TCHH: variants seen among roughly 807,000 people sequenced by gnomAD.
TCHH encodes trichohyalin.
In TCHH, 6 loss-of-function variants were observed where a neutral mutation model predicts 6.3. That is an observed-to-expected ratio of 0.95 (90% CI 0.52 to 1.88). The LOEUF (loss-of-function observed/expected upper bound fraction) is 1.88. Ranked by LOEUF, TCHH falls within the 40% of genes most tolerant of loss-of-function variation. The probability of loss-of-function intolerance (pLI) is 0.01; values close to 1 mark genes in which losing one functional copy is unlikely to be tolerated. For missense variants in TCHH, 2,920 were observed against 2,449.1 expected, an observed-to-expected ratio of 1.19 and a Z score of -4.06; for synonymous variants, 1,087 against 963.6, an observed-to-expected ratio of 1.13 and a Z score of -2.37.
At chr1:152,114,865 T>G (rs564602964) in intron 1 of TCHH, among the ~76,000 whole-genome samples, 2 of 152,248 alleles carry the variant, frequency 1.3e-5, no homozygotes, top group Non-Finnish European at 2.9e-5. Flanking sequence ...GTGAATGATA[T>G]TGGTTTTGTT....
chr1:152,109,396 T>A lies in TCHH; in HGVS notation c.3821A>T (p.Gln1274Leu), dbSNP rs1658239399. ...QQDLQHLLGEQQERDREQERR... is the reference protein window; with the variant it reads ...QQDLQHLLGELQERDREQERR... ...CTCTTGCTCACGATCTCGCTCTTGC[T>A]GTTCACCCAGCAGGTGCTGCAGATC... Residue 1274 changes from glutamine (Q) to leucine (L), a missense_variant, in exon 3 of 3, where the codon CAG (glutamine) becomes CTG (leucine). Coordinates refer to ENST00000614923, the MANE Select transcript of TCHH (RefSeq NM_007113.4). 1.2e-6 allele frequency: 2 copies of A among 1,614,106 alleles called. No homozygotes were observed. The highest frequency in any genetic ancestry group is 2.2e-5 in the South Asian group (2 of 91,096).
In TCHH at chr1:152,113,043, C is replaced by T. The variant is rs1241387229; in HGVS notation, c.174G>A (p.Leu58=). 2.5e-5 allele frequency: 41 copies of T among 1,613,490 alleles called. No individual in the cohort carries two copies. The highest frequency in any genetic ancestry group is 3.2e-5 in the Non-Finnish European group (38 of 1,179,800). The part of the protein sequence containing the change: ...PHDPKTVDLI[L]ELLDLDSNGR... ...CATTACTGTCAAGATCCAGAAGTTC[C>T]AGGATCAGATCTACCGTCTTAGGGT... is the stretch of plus-strand genomic sequence containing the variant. The change falls in exon 3 of 3, where the codon CTG becomes CTA. Residue 58 remains leucine (L), a synonymous_variant. Transcript: ENST00000614923.
chr1:152,113,099 A>G, intron 2 of TCHH, 21 bp from the exon 3 acceptor site: 1 of 1,554,196 alleles, frequency 6.4e-7, no homozygotes, highest in South Asian at 1.2e-5. Context: ...GGTGAAAACA[A>G]AAATTTTACA....
At chr1:152,115,007 TGTACTTCTCAACTCCA>T (rs1217069708) in intron 1 of TCHH, among the ~76,000 whole-genome samples, 2 of 152,256 alleles carry the variant, frequency 1.3e-5, no homozygotes, top group Non-Finnish European at 2.9e-5. Context: ...GACTTCTTTA[TGTACTTCTCAACTCCA>T]GTACCTTAAA....
chr1:152,111,351 G>C lies in TCHH; in HGVS notation c.1866C>G (p.Arg622=), dbSNP rs750577270. The C allele has an allele frequency of 2.5e-6, 4 of 1,588,142 alleles. No homozygotes were observed. In the East Asian group the frequency reaches 9.1e-5, roughly 36 times the overall value. The change falls in exon 3 of 3, where the codon CGC becomes CGG. Residue 622 remains arginine (R), a synonymous_variant. Transcript: ENST00000614923. ...GGCGCCTCTCTTCCTCCGGCTCCTC[G>C]CGCTTCAGCCGCTGCTCGCGCCTCT... The part of the protein sequence containing the change: ...QEERREQRLK[R]EEPEEERRQQ...
chr1:152,109,489 T>C lies in TCHH; in HGVS notation c.3728A>G (p.Lys1243Arg). Residue 1243 changes from lysine (K) to arginine (R), a missense_variant, in exon 3 of 3, where the codon AAA (lysine) becomes AGA (arginine). Coordinates refer to ENST00000614923, the MANE Select transcript of TCHH (RefSeq NM_007113.4). ...NAVRDNKVYC[K>R]GRENEQFRQL... ...CCGGAACTGTTCATTCTCTCTGCCTTTGCAGTAAACCTTGTTATCACGAAC... is the reference window on the plus strand; with the variant it reads ...CCGGAACTGTTCATTCTCTCTGCCTCTGCAGTAAACCTTGTTATCACGAAC... The C allele has an allele frequency of 6.2e-7, 1 of 1,614,292 alleles. No individual in the cohort carries two copies.
Position 152,108,169 on chromosome 1 carries a change from T to A in TCHH, c.5048A>T (p.Gln1683Leu), listed in dbSNP as rs1364745787. Residue 1683 changes from glutamine (Q) to leucine (L), a missense_variant, in exon 3 of 3, where the codon CAG becomes CTG. Gln to Leu is a moderately radical substitution (Grantham distance 113). Coordinates refer to ENST00000614923, the MANE Select transcript of TCHH (RefSeq NM_007113.4). ...TCTGTCACGCTCTTGGCGGCGCAGC[T>A]GCTGTTCCTCCCCTTCCTGGAGCAG... Reference protein sequence around the residue: ...EQLLQEGEEQQLRRQERDRKF... With the variant: ...EQLLQEGEEQLLRRQERDRKF... 2 of 1,613,640 alleles carry A rather than the reference T, an allele frequency of 1.2e-6. No individual in the cohort carries two copies. Among genetic ancestry groups the A allele is most frequent in the Non-Finnish European group, 1.7e-6 (2 of 1,179,980 alleles).
In TCHH at chr1:152,110,673, C is replaced by A. The variant is rs1336575807; in HGVS notation, c.2544G>T (p.Gln848His). Residue 848 changes from glutamine to histidine, a missense_variant, in exon 3 of 3, where the codon CAG becomes CAT. Coordinates refer to ENST00000614923, the MANE Select transcript of TCHH (RefSeq NM_007113.4). ...EQLQRRERAQ[Q>H]LQEEEDGLQE... is the part of the protein sequence containing the mutation. ...GGAGGCCGTCCTCCTCCTCCTGGAG[C>A]TGTTGGGCACGCTCCCGCCGCTGGA... 1.9e-6 allele frequency: 3 copies of A among 1,613,174 alleles called. No homozygotes were observed. The highest frequency in any genetic ancestry group is 2.5e-6 in the Non-Finnish European group (3 of 1,179,928).
In TCHH at chr1:152,108,940, T is replaced by C. The variant is rs1658216292; in HGVS notation, c.4277A>G (p.Gln1426Arg). 6.2e-7 allele frequency: 1 copy of C among 1,613,306 alleles called. No individual in the cohort carries two copies. Among genetic ancestry groups the C allele is most frequent in the Non-Finnish European group, 8.5e-7 (1 of 1,179,826 alleles). The part of the protein sequence containing the change: ...FREEEQQLSR[Q>R]ERDRKFREEE... ...TTCACGGAATTTTCTGTCACGCTCT[T>C]GGCGGCTCAGCTGCTGTTCCTCCTC... Residue 1426 changes from glutamine (Q) to arginine (R), a missense_variant, in exon 3 of 3, where the codon CAA becomes CGA. By Grantham distance (43) the Gln-to-Arg change is conservative. Transcript: ENST00000614923.
chr1:152,108,666 G>T lies in TCHH; in HGVS notation c.4551C>A (p.Phe1517Leu). ...GGTGCAGCTGCTGTTCCTCCTCGAG[G>T]AATTTTCTCTCTGGTTCCTGACTGC... is the stretch of plus-strand genomic sequence containing the variant. ...ELRSQEPERK[F>L]LEEEQQLHRQ... is the part of the protein sequence containing the mutation. The change falls in exon 3 of 3, where the codon TTC becomes TTA. Residue 1517 changes from phenylalanine to leucine, a missense_variant. Phe to Leu is a conservative substitution (Grantham distance 22, BLOSUM62 0). Coordinates refer to ENST00000614923, the MANE Select transcript of TCHH (RefSeq NM_007113.4). 3 of 1,606,412 alleles carry T rather than the reference G, an allele frequency of 1.9e-6. No homozygotes were observed. The highest frequency in any genetic ancestry group is 2.5e-6 in the Non-Finnish European group (3 of 1,178,876).
chr1:152,107,880 G>A lies in TCHH; in HGVS notation c.5337C>T (p.Leu1779=). The change falls in exon 3 of 3, where the codon CTC becomes CTT. Residue 1779 remains leucine (L), a synonymous_variant. Coordinates refer to ENST00000614923, the MANE Select transcript of TCHH (RefSeq NM_007113.4). ...RDRKFREEEQ[L]RQEREEQQLR... ...GCTGCTGTTCCTCCCTCTCCTGGCG[G>A]AGCTGTTCCTCCTCGCGGAATTTTC... 2 of 1,609,670 alleles carry A rather than the reference G, an allele frequency of 1.2e-6. No individual in the cohort carries two copies. The highest frequency in any genetic ancestry group is 1.7e-6 in the Non-Finnish European group (2 of 1,178,736).
In TCHH at chr1:152,110,960, G is replaced by C. The variant is rs762031871; in HGVS notation, c.2257C>G (p.Arg753Gly). The C allele has an allele frequency of 2.5e-6, 4 of 1,612,960 alleles. No homozygotes were observed. The highest frequency in any genetic ancestry group is 1.3e-5 in the African/African-American group (1 of 74,806). Residue 753 changes from arginine (R) to glycine (G), a missense_variant, in exon 3 of 3, where the codon CGG becomes GGG. By Grantham distance (125) the Arg-to-Gly change is moderately radical. Coordinates refer to ENST00000614923, the MANE Select transcript of TCHH (RefSeq NM_007113.4). ...TCTTCCTGCTGCTGCCGGTGAGCCC[G>C]TTCCTCCTCCTGCCATTGCAGCTCA... ...ESELQWQEEE[R>G]AHRQQQEEEQ... is the part of the protein sequence containing the mutation.
At position 152,112,555 on chromosome 1, in the gene TCHH, T is replaced by C. The variant is rs1263627848; in HGVS notation, c.662A>G (p.Lys221Arg). The C allele has an allele frequency of 6.2e-7, 1 of 1,613,564 alleles. No homozygotes were observed. The highest frequency in any genetic ancestry group is 1.1e-5 in the South Asian group (1 of 91,076). Residue 221 changes from lysine (K) to arginine (R), a missense_variant, in exon 3 of 3, where the codon AAG becomes AGG. By Grantham distance (26) the Lys-to-Arg change is conservative (BLOSUM62 2). Coordinates refer to ENST00000614923, the MANE Select transcript of TCHH (RefSeq NM_007113.4). ...TTGCTGCTGTTTCTCCTCGCGGCCC[T>C]TCCTCCTCAGCTCCAGCAGCTCCCG... is the stretch of plus-strand genomic sequence containing the variant. ...RRRELLELRR[K>R]GREEKQQQRR...
In TCHH at chr1:152,107,721, TTCC is replaced by T. The variant is rs1490190573; in HGVS notation, c.5493_5495del (p.Glu1832del). The T allele has an allele frequency of 1.9e-6, 3 of 1,614,138 alleles. No individual in the cohort carries two copies. Among genetic ancestry groups the T allele is most frequent in the East Asian group, 2.2e-5 (1 of 44,876 alleles). On this transcript the variant is annotated inframe_deletion, in exon 3 of 3. Coordinates refer to ENST00000614923, the MANE Select transcript of TCHH (RefSeq NM_007113.4). ...GCTCCTGCCGCAGCCTCTGCTCTTG[TTCC>T]TCAAGTTGGAGCTGCTCTTCTTCCC...
rs762539076 is a variant in TCHH at position 152,107,737 on chromosome 1, T to A, written c.5480A>T (p.Gln1827Leu). The change falls in exon 3 of 3, where the codon CAG (glutamine) becomes CTG (leucine). Residue 1827 changes from glutamine (Q) to leucine (L), a missense_variant. By Grantham distance (113) the Gln-to-Leu change is moderately radical. Transcript: ENST00000614923. ...CTGCTCTTGTTCCTCAAGTTGGAGC[T>A]GCTCTTCTTCCCAGCGATACTTTCC... ...RDGKYRWEEEQLQLEEQEQRL... is the reference protein window; with the variant it reads ...RDGKYRWEEELLQLEEQEQRL... The A allele has an allele frequency of 6.2e-6, 10 of 1,614,242 alleles. No individual in the cohort carries two copies. The highest frequency in any genetic ancestry group is 8.5e-6 in the Non-Finnish European group (10 of 1,180,048).
chr1:152,114,139 C>A, intron 1 of TCHH, 28 bp from the exon 2 acceptor site: 1 of 1,510,132 alleles, frequency 6.6e-7, no homozygotes, highest in Non-Finnish European at 8.9e-7. Flanking sequence ...GATCCAGAAT[C>A]AAAATCCCGT....
rs1030016331 is a variant in TCHH, at chr1:152,107,808, T to G, written c.5409A>C (p.Leu1803=). 14 of 1,611,768 alleles carry G rather than the reference T, an allele frequency of 8.7e-6. No homozygotes were observed. Among genetic ancestry groups the G allele is most frequent in the East Asian group, 4.5e-5 (2 of 44,754 alleles). Residue 1803 remains leucine, a synonymous_variant, in exon 3 of 3, where the codon CTA becomes CTC. Transcript: ENST00000614923. ...GCTGCTGTTCTTCCCTCTCCTGGCG[T>G]AGCTGTTCCTCCTCGCGGAATTTTC... ...SDRKFREEEQ[L]RQEREEQQLR...
rs1658309852 is a variant in TCHH, at chr1:152,110,754, G to C, written c.2463C>G (p.Arg821=). The change falls in exon 3 of 3, where the codon CGC becomes CGG. Residue 821 remains arginine, a synonymous_variant. Transcript: ENST00000614923. ...CTTTCTCCCTCTCGCGTCGCTGGCG[G>C]CGCCGCTGCTCCTTCTCCTCCTCCT... ...LPEEEEKEQR[R]RQRREREKEL... 6.2e-7 allele frequency: 1 copy of C among 1,608,220 alleles called. No individual in the cohort carries two copies. Among genetic ancestry groups the C allele is most frequent in the South Asian group, 1.1e-5 (1 of 91,086 alleles).
intron 1 of TCHH, among the ~76,000 whole-genome samples, chr1:152,115,146 C>T (rs1231272458): frequency 1.3e-5 from 2 of 152,160 alleles, no homozygotes; most frequent in Non-Finnish European, 2.9e-5. Flanking sequence ...CTATCAGAGC[C>T]ACACATGATC....
Sources: gnomAD v4.1 joint callset for allele counts (sites outside exome capture counted in the v4.1 genomes callset) on GRCh38, gnomAD v4.1.1 for gene constraint, MANE v1.5 for transcripts, NCBI Gene and HGNC (gene_info 2026-07-23, HGNC 2026-07-21) for gene names.